The following CACNA1A variants were observed in gnomAD, a reference collection of about 807,000 sequenced individuals.
The protein encoded by CACNA1A is voltage-dependent P/Q-type calcium channel subunit alpha-1A.
CACNA1A carries 57 observed loss-of-function variants against 262.4 expected under a neutral mutation model. The observed-to-expected ratio is 0.22, with a 90% confidence interval of 0.18 to 0.27. The LOEUF (loss-of-function observed/expected upper bound fraction) is 0.27. Among genes scored for constraint, CACNA1A ranks in the 10% least tolerant of loss-of-function variants. CACNA1A has a pLI of 1.00. For synonymous variants in CACNA1A, 1,431 were observed against 1,419.3 expected (o/e 1.01, Z -0.18); for missense variants, 2,526 against 3,562.8 (o/e 0.71, Z 7.41).
At chr19:13,217,335 A>T (rs1352971536) in intron 38 of CACNA1A, among the ~76,000 whole-genome samples, 8 of 152,088 alleles carry the variant, frequency 5.3e-5, no homozygotes, top group Non-Finnish European at 8.8e-5. Flanking sequence ...GAATCTGAAG[A>T]ATGAGGTTAA....
At chr19:13,459,124 G>A (rs887097773) in intron 1 of CACNA1A, among the ~76,000 whole-genome samples, 24 of 152,098 alleles carry the variant, frequency 1.6e-4, no homozygotes, top group African/African-American at 5.3e-4. Flanking sequence ...CTGAAATCCC[G>A]CATTCTGTAG....
chr19:13,484,030 T>C (rs1476257059), intron 1 of CACNA1A, among the ~76,000 whole-genome samples: 1 of 152,154 alleles, frequency 6.6e-6, no homozygotes, highest in Non-Finnish European at 1.5e-5. Flanking sequence ...AAGAGTATGT[T>C]TGGGGATTGG....
At chr19:13,363,841 T>TCACAGAA (rs925478475) in intron 5 of CACNA1A, 12 of 152,276 alleles carry the variant, frequency 7.9e-5, no homozygotes, top group Non-Finnish European at 1.5e-4. Flanking sequence ...ATTCAGTCTG[T>TCACAGAA]CTGCACCCAG....
At chr19:13,430,108 G>A (rs902518313) in intron 3 of CACNA1A, among the ~76,000 whole-genome samples, 2 of 151,850 alleles carry the variant, frequency 1.3e-5, no homozygotes, top group Non-Finnish European at 2.9e-5. Context: ...ATGGATGGCG[G>A]TCCTGGTTGC....
chr19:13,413,320 A>G (rs995084280), intron 3 of CACNA1A, among the ~76,000 whole-genome samples: 20 of 150,300 alleles, frequency 1.3e-4, no homozygotes, highest in South Asian at 2.2e-4. Flanking sequence ...GTTAGCCAGG[A>G]TGGTCTCAAT....
At chr19:13,398,155 G>A (rs1408433880) in intron 3 of CACNA1A, among the ~76,000 whole-genome samples, 4 of 151,832 alleles carry the variant, frequency 2.6e-5, no homozygotes, top group African/African-American at 9.7e-5. Context: ...TCCAGCTACT[G>A]GGGAGGCTGA....
chr19:13,318,906 TGAGACAGGATCTTGC>T (rs1600317968), intron 10 of CACNA1A, among the ~76,000 whole-genome samples: 13 of 149,338 alleles, frequency 8.7e-5, no homozygotes, highest in African/African-American at 1.5e-4. Flanking sequence ...TTTTTTTTTT[TGAGACAGGATCTTGC>T]TTTGTTGCCC....
intron 3 of CACNA1A, among the ~76,000 whole-genome samples, chr19:13,410,720 C>T (rs1014204674): frequency 4.6e-5 from 7 of 152,110 alleles, no homozygotes; most frequent in East Asian, 1.9e-4. Context: ...GCTCAGGTCA[C>T]GAAAGATCTC....
In CACNA1A at chr19:13,235,089, G is replaced by T. The variant is rs1392314441; in HGVS notation, c.5134-53C>A. ...GGCTGCCATTCCTCCAGTGGCTTCTGGGAAACCCAGCTCAACCTCCATGGC... is the reference window on the plus strand; with the variant it reads ...GGCTGCCATTCCTCCAGTGGCTTCTTGGAAACCCAGCTCAACCTCCATGGC... On this transcript the variant is annotated intron_variant, in intron 33 of 46. Coordinates refer to ENST00000360228, the MANE Select transcript of CACNA1A (RefSeq NM_001127222.2). The T allele has an allele frequency of 3.9e-6, 6 of 1,547,622 alleles. No individual in the cohort carries two copies. In the East Asian group the frequency reaches 1.1e-4, roughly 29 times the overall value.
chr19:13,221,184 C>G (rs549583269), intron 38 of CACNA1A, among the ~76,000 whole-genome samples: 1 of 132,090 alleles, frequency 7.6e-6, no homozygotes, highest in African/African-American at 2.9e-5. Flanking sequence ...TCCTCTCCCA[C>G]CCACTCCTTT....
chr19:13,275,800 C>G, intron 24 of CACNA1A, 50 bp downstream of exon 24: 1 of 1,261,630 alleles, frequency 7.9e-7, no homozygotes, highest in African/African-American at 1.5e-5. Flanking sequence ...GTGGCCCAGG[C>G]TGGGGGTTGG....
At chr19:13,422,285 C>A (rs1308052600) in intron 3 of CACNA1A, among the ~76,000 whole-genome samples, 1 of 152,168 alleles carries the variant, frequency 6.6e-6, no homozygotes, top group Non-Finnish European at 1.5e-5. Context: ...TGTACCACTG[C>A]ACTTCAGCCT....
intron 21 of CACNA1A, chr19:13,284,178 G>A (rs750011441): frequency 5.9e-5 from 9 of 152,180 alleles, no homozygotes; most frequent in South Asian, 4.1e-4. Flanking sequence ...GTGAATTCAC[G>A]TCTCTGGACC....
intron 22 of CACNA1A, among the ~76,000 whole-genome samples, chr19:13,282,095 G>A (rs2057306026): frequency 6.6e-6 from 1 of 152,244 alleles, no homozygotes; most frequent in Admixed American, 6.5e-5. Context: ...GCTGAGCACT[G>A]GCTCTAGCTT....
At chr19:13,248,435 AG>A (rs2056309553) in intron 30 of CACNA1A, among the ~76,000 whole-genome samples, 2 of 137,444 alleles carry the variant, frequency 1.5e-5, no homozygotes, top group Non-Finnish European at 3.1e-5. Flanking sequence ...AAAAAAAAAG[AG>A]AAAGCAGAGG....
At chr19:13,358,384 G>A (rs967967448) in intron 6 of CACNA1A, among the ~76,000 whole-genome samples, 7 of 152,308 alleles carry the variant, frequency 4.6e-5, no homozygotes, top group East Asian at 1.9e-4. Flanking sequence ...TGGGCAACAC[G>A]GAAGAACCCT....
chr19:13,470,364 A>G (rs2061328379), intron 1 of CACNA1A, among the ~76,000 whole-genome samples: 1 of 152,086 alleles, frequency 6.6e-6, no homozygotes, highest in African/African-American at 2.4e-5. Flanking sequence ...CCAGGCTGCC[A>G]AATCCCAGGG....
chr19:13,449,452 C>A (rs567072525), intron 3 of CACNA1A, among the ~76,000 whole-genome samples: 5 of 152,084 alleles, frequency 3.3e-5, no homozygotes, highest in Non-Finnish European at 7.4e-5. Flanking sequence ...AGCACACCAC[C>A]ATGCCCAGCT....
intron 6 of CACNA1A, among the ~76,000 whole-genome samples, chr19:13,347,012 T>C (rs1241946779): frequency 6.6e-6 from 1 of 151,126 alleles, no homozygotes; most frequent in Admixed American, 6.6e-5. Context: ...ATACATGTGA[T>C]ACTTTAATGC....
Sources: allele counts gnomAD v4.1 joint callset (sites outside exome capture counted in the v4.1 genomes callset), GRCh38; gene constraint gnomAD v4.1.1; transcripts MANE v1.5; gene names NCBI Gene and HGNC (gene_info 2026-07-23, HGNC 2026-07-21).